PICALM: variants seen among roughly 807,000 people sequenced by gnomAD.
The protein encoded by PICALM is phosphatidylinositol-binding clathrin assembly protein.
PICALM carries 40 observed loss-of-function variants against 80.5 expected under a neutral mutation model. That is an observed-to-expected ratio of 0.50 (90% CI 0.39 to 0.65). The LOEUF is 0.65. Ranked by LOEUF, PICALM falls within the 30% of genes least tolerant of loss-of-function variation. The pLI, the probability that PICALM is intolerant of heterozygous loss-of-function variation, is 0.00. For synonymous variants in PICALM, 288 were observed against 260.3 expected (o/e 1.11, Z -1.02); for missense variants, 676 against 778.9 (o/e 0.87, Z 1.57).
intron 3 of PICALM, among the ~76,000 whole-genome samples, chr11:86,023,854 G>A (rs2136552448): frequency 6.6e-6 from 1 of 152,310 alleles, no homozygotes; most frequent in South Asian, 2.1e-4. Flanking sequence ...GAGGCCAGGT[G>A]TGGTGGCTCA....
At chr11:85,986,361 T>C (rs2094569626) in intron 13 of PICALM, among the ~76,000 whole-genome samples, 1 of 139,086 alleles carries the variant, frequency 7.2e-6, no homozygotes, top group South Asian at 2.3e-4. Context: ...ACTGCCAACT[T>C]TTAATTTTTT....
intron 1 of PICALM, among the ~76,000 whole-genome samples, chr11:86,047,964 G>A (rs543648178): frequency 6.6e-6 from 1 of 152,170 alleles, no homozygotes; most frequent in African/African-American, 2.4e-5. Context: ...AGCCGGGCAT[G>A]GTGGCGGGCA....
chr11:86,024,600 A>G (rs1306762685), intron 3 of PICALM, among the ~76,000 whole-genome samples: 1 of 151,642 alleles, frequency 6.6e-6, no homozygotes, highest in Non-Finnish European at 1.5e-5. Context: ...GTAACACATA[A>G]TTCCCTCTCC....
rs756897371 is a variant in PICALM at position 85,983,965 on chromosome 11, G to A, written c.1417C>T (p.Pro473Ser). ...GGGTGTGGCTGTGCAACTGGAGAAGGAGTGAATCCTGAGTAAACCAAAATG... is the reference window on the plus strand; with the variant it reads ...GGGTGTGGCTGTGCAACTGGAGAAGAAGTGAATCCTGAGTAAACCAAAATG... ...PTHEMFVGFT[P>S]SPVAQPHPSA... The change falls in exon 14 of 20, where the codon CCT (proline) becomes TCT (serine). Residue 473 changes from proline to serine, a missense_variant. This residue lies in a region of PICALM where 391 missense variants were observed against 383.6 expected (regional missense o/e 1.02). Transcript: ENST00000393346. 6.4e-7 allele frequency: 1 copy of A among 1,560,386 alleles called. No individual in the cohort carries two copies. The highest frequency in any genetic ancestry group is 2.3e-5 in the East Asian group (1 of 44,250).
At chr11:86,037,393 G>C (rs1593202060) in intron 1 of PICALM, among the ~76,000 whole-genome samples, 1 of 151,204 alleles carries the variant, frequency 6.6e-6, no homozygotes, top group South Asian at 2.1e-4. Flanking sequence ...CCAAGTAGCT[G>C]GGATTACAGG....
chr11:85,976,727 TG>T, intron 17 of PICALM, 45 bp from the exon 18 acceptor site: 4 of 1,140,178 alleles, frequency 3.5e-6, no homozygotes, highest in Non-Finnish European at 5.3e-6. Context: ...ATAACTCATG[TG>T]TGTCAACTGA....
intron 1 of PICALM, among the ~76,000 whole-genome samples, chr11:86,037,703 A>G (rs1269900916): frequency 1.3e-5 from 2 of 152,104 alleles, no homozygotes; most frequent in Non-Finnish European, 2.9e-5. Flanking sequence ...TGTCTAAAAA[A>G]AAAAAGTTAT....
chr11:85,976,210 G>A (rs942836856), intron 18 of PICALM, among the ~76,000 whole-genome samples: 1 of 152,128 alleles, frequency 6.6e-6, no homozygotes, highest in African/African-American at 2.4e-5. Flanking sequence ...AATAATCATT[G>A]TCACAGGAAA....
At chr11:86,018,184 A>C (rs1214507240) in intron 4 of PICALM, among the ~76,000 whole-genome samples, 6 of 152,246 alleles carry the variant, frequency 3.9e-5, no homozygotes, top group Non-Finnish European at 7.3e-5. Context: ...CACAATGGAA[A>C]AGAGTGAAAA....
chr11:86,032,963 C>T (rs10501607), intron 1 of PICALM, among the ~76,000 whole-genome samples: 24,002 of 152,136 alleles, frequency 0.16, 2,449 homozygotes, highest in Middle Eastern at 0.24. Context: ...TAAGCAGCTA[C>T]GGTGGCCAAT....
chr11:86,016,143 C>A (rs1391309257), intron 4 of PICALM, among the ~76,000 whole-genome samples: 1 of 152,160 alleles, frequency 6.6e-6, no homozygotes, highest in East Asian at 1.9e-4. Context: ...CATTTTTTTA[C>A]CTCTGGTTAC....
At chr11:86,038,865 C>T (rs1381050524) in intron 1 of PICALM, among the ~76,000 whole-genome samples, 1 of 151,468 alleles carries the variant, frequency 6.6e-6, no homozygotes, top group African/African-American at 2.4e-5. Flanking sequence ...AATCCCAGTA[C>T]GTTGGGGGTC....
intron 19 of PICALM, among the ~76,000 whole-genome samples, chr11:85,969,312 G>T (rs534346723): frequency 6.6e-6 from 1 of 152,186 alleles, no homozygotes; most frequent in African/African-American, 2.4e-5. Context: ...AGAGCTACAA[G>T]TTATGCCTTA....
At chr11:86,037,695 T>C (rs2095867547) in intron 1 of PICALM, among the ~76,000 whole-genome samples, 1 of 119,350 alleles carries the variant, frequency 8.4e-6, no homozygotes, top group Non-Finnish European at 1.8e-5. Flanking sequence ...CAAGACACTG[T>C]CTAAAAAAAA....
intron 1 of PICALM, among the ~76,000 whole-genome samples, chr11:86,057,432 G>A (rs567603244): frequency 2.6e-4 from 39 of 152,200 alleles, no homozygotes; most frequent in Admixed American, 1.2e-3. Context: ...CCAGCTACCC[G>A]GGAGGCTGAG....
intron 1 of PICALM, among the ~76,000 whole-genome samples, chr11:86,051,079 A>C (rs1180816676): frequency 6.6e-6 from 1 of 152,218 alleles, no homozygotes; most frequent in African/African-American, 2.4e-5. Context: ...TAAGATATGC[A>C]AATTCAAACT....
intron 5 of PICALM, among the ~76,000 whole-genome samples, chr11:86,013,870 A>G (rs972187059): frequency 6.6e-5 from 10 of 152,318 alleles, no homozygotes; most frequent in East Asian, 5.8e-4. Flanking sequence ...GTTGTAACAT[A>G]AAACAGCCAT....
rs900217368 is a variant in PICALM at position 86,026,150 on chromosome 11, GAC to G, written c.349+140_349+141del. The G allele has an allele frequency of 4.6e-5, 27 of 581,538 alleles. No individual in the cohort carries two copies. In the African/African-American group the frequency reaches 4.9e-4, roughly 10 times the overall value. 36.0% of individuals were successfully genotyped at this position (581,538 alleles called of 1,614,324 possible). The stretch of plus-strand genomic sequence containing the variant: ...ATTATTATTAATCTTCAAATTAAAA[GAC>G]AGTTTTTTCTTTCCTACAACCTTCA... On this transcript the variant is annotated intron_variant, in intron 3 of 19. Coordinates refer to ENST00000393346, the MANE Select transcript of PICALM (RefSeq NM_007166.4).
intron 2 of PICALM, among the ~76,000 whole-genome samples, chr11:86,030,959 A>G (rs2095741155): frequency 6.6e-6 from 1 of 152,156 alleles, no homozygotes; most frequent in African/African-American, 2.4e-5. Flanking sequence ...TCTACAAAAA[A>G]ATTTAAAAAT....
Sources: gnomAD v4.1 joint callset for allele counts (sites outside exome capture counted in the v4.1 genomes callset) on GRCh38, gnomAD v4.1.1 for gene constraint, gnomAD v4.1.1 regional missense constraint, MANE v1.5 for transcripts, NCBI Gene and HGNC (gene_info 2026-07-23, HGNC 2026-07-21) for gene names.